Variants in PLCB1 observed in about 807,000 individuals in gnomAD.
PLCB1 encodes phospholipase C beta 1.
In PLCB1, 46 loss-of-function variants were observed where a neutral mutation model predicts 161.8. The observed-to-expected ratio is 0.28, with a 90% CI of 0.22 to 0.36. The LOEUF (loss-of-function observed/expected upper bound fraction) is 0.36, where lower values mean the gene tolerates loss of function less well. Ranked by LOEUF, PLCB1 falls within the 10% of genes least tolerant of loss-of-function variation. The pLI, the probability that PLCB1 is intolerant of heterozygous loss-of-function variation, is 1.00. For synonymous variants in PLCB1, 517 were observed against 503.7 expected, an observed-to-expected ratio of 1.03 and a Z score of -0.35; for missense variants, 1,016 against 1,472.5, an observed-to-expected ratio of 0.69 and a Z score of 5.07.
At chr20:8,676,646 T>C (rs1305050436) in intron 9 of PLCB1, among the ~76,000 whole-genome samples, 1 of 151,674 alleles carries the variant, frequency 6.6e-6, no homozygotes, top group Non-Finnish European at 1.5e-5. Context: ...TAGGGATTAC[T>C]CCGAAAGATA....
chr20:8,497,013 C>T (rs1175455431), intron 3 of PLCB1, among the ~76,000 whole-genome samples: 5 of 152,094 alleles, frequency 3.3e-5, no homozygotes, highest in East Asian at 3.8e-4. Context: ...ACTACTTTAA[C>T]GATATTAAAA....
At chr20:8,269,220 G>A (rs992565425) in intron 2 of PLCB1, among the ~76,000 whole-genome samples, 1 of 152,040 alleles carries the variant, frequency 6.6e-6, no homozygotes, top group African/African-American at 2.4e-5. Context: ...TTCTCCTAAT[G>A]CTATCCCTAC....
intron 3 of PLCB1, among the ~76,000 whole-genome samples, chr20:8,482,906 T>TA (rs1437489047): frequency 6.6e-6 from 1 of 151,812 alleles, no homozygotes; most frequent in Non-Finnish European, 1.5e-5. Flanking sequence ...TCATTTTTTT[T>TA]TTTTAACCTC....
chr20:8,411,110 G>C (rs1170620635), intron 3 of PLCB1, among the ~76,000 whole-genome samples: 1 of 152,208 alleles, frequency 6.6e-6, no homozygotes, highest in African/African-American at 2.4e-5. Flanking sequence ...CATTGAAAGA[G>C]ACAATTTATC....
At chr20:8,670,147 G>A (rs991954903) in intron 9 of PLCB1, among the ~76,000 whole-genome samples, 2 of 152,150 alleles carry the variant, frequency 1.3e-5, no homozygotes, top group Admixed American at 1.3e-4. Flanking sequence ...CTGTACTTAA[G>A]AGAGACAGGT....
intron 3 of PLCB1, among the ~76,000 whole-genome samples, chr20:8,430,432 G>A (rs1199543319): frequency 6.7e-6 from 1 of 149,854 alleles, no homozygotes; most frequent in African/African-American, 2.4e-5. Context: ...AGCAGGCTAA[G>A]CTGATGCATC....
intron 27 of PLCB1, among the ~76,000 whole-genome samples, chr20:8,785,874 A>G (rs751961021): frequency 1.3e-5 from 2 of 152,204 alleles, no homozygotes; most frequent in African/African-American, 4.8e-5. Flanking sequence ...AGATGAGGAC[A>G]TGGAAACAGG....
chr20:8,443,226 C>T (rs1036836341), intron 3 of PLCB1, among the ~76,000 whole-genome samples: 1 of 152,022 alleles, frequency 6.6e-6, no homozygotes, highest in Non-Finnish European at 1.5e-5. Flanking sequence ...GTGATCTGCC[C>T]GCCTTGGCCT....
chr20:8,249,682 CTCTGAAA>C (rs1008678016), intron 2 of PLCB1: 2 of 151,942 alleles, frequency 1.3e-5, no homozygotes, highest in Non-Finnish European at 2.9e-5. Flanking sequence ...GTCACGTCCA[CTCTGAAA>C]TCTGAGCTGT....
chr20:8,567,472 A>G (rs1986373520), intron 3 of PLCB1, among the ~76,000 whole-genome samples: 2 of 152,130 alleles, frequency 1.3e-5, no homozygotes, highest in Admixed American at 1.3e-4. Context: ...TAAGTTTAGT[A>G]TTCTCCAATA....
intron 3 of PLCB1, among the ~76,000 whole-genome samples, chr20:8,487,859 C>A (rs1168053385): frequency 6.6e-6 from 1 of 152,060 alleles, no homozygotes. Context: ...GCTGGTGCAC[C>A]CAGCCCTTGA....
chr20:8,254,640 G>A (rs915418305), intron 2 of PLCB1, among the ~76,000 whole-genome samples: 16 of 151,866 alleles, frequency 1.1e-4, no homozygotes, highest in Non-Finnish European at 1.8e-4. Flanking sequence ...TTGTAACTTC[G>A]TTTGACTATA....
At chr20:8,445,859 G>T (rs886337393) in intron 3 of PLCB1, among the ~76,000 whole-genome samples, 55 of 152,102 alleles carry the variant, frequency 3.6e-4, no homozygotes, top group Admixed American at 7.2e-4. Context: ...GTCTGTTATT[G>T]GTGTATAAGA....
At chr20:8,297,515 T>TA (rs988664896) in intron 2 of PLCB1, among the ~76,000 whole-genome samples, 4 of 152,050 alleles carry the variant, frequency 2.6e-5, no homozygotes, top group African/African-American at 7.2e-5. Context: ...TGTTTATTGA[T>TA]AAAAAATTCC....
At position 8,757,212 on chromosome 20, in the gene PLCB1, CA is replaced by C. The variant is rs778499693; in HGVS notation, c.2656+36del. 59 of 1,576,060 alleles carry C rather than the reference CA, an allele frequency of 3.7e-5. No individual in the cohort carries two copies. In the South Asian group the frequency reaches 6.1e-4, roughly 16 times the overall value. ...TCTGGAAAGAGCTGGACAACATGAGCAAGATCCTCCAGTTCATTAGTGCCAC... is the reference window on the plus strand; with the variant it reads ...TCTGGAAAGAGCTGGACAACATGAGCAGATCCTCCAGTTCATTAGTGCCAC... On this transcript the variant is annotated intron_variant, in intron 24 of 31. Transcript: ENST00000338037.
intron 9 of PLCB1, among the ~76,000 whole-genome samples, chr20:8,682,489 C>A (rs561629807): frequency 6.6e-6 from 1 of 152,290 alleles, no homozygotes; most frequent in South Asian, 2.1e-4. Flanking sequence ...ACAAACTTTC[C>A]TTCTTATTTT....
chr20:8,825,544 G>GT (rs1413578354), intron 31 of PLCB1, among the ~76,000 whole-genome samples: 1 of 152,152 alleles, frequency 6.6e-6, no homozygotes, highest in Non-Finnish European at 1.5e-5. Flanking sequence ...AAGAGTCATG[G>GT]TAGATAGACC....
At chr20:8,684,332 A>G (rs919346968) in intron 9 of PLCB1, among the ~76,000 whole-genome samples, 8 of 149,344 alleles carry the variant, frequency 5.4e-5, no homozygotes, top group Non-Finnish European at 1.0e-4. Flanking sequence ...TCTCGGCTCA[A>G]TGCAACCTCC....
At chr20:8,176,327 T>G (rs2123078808) in intron 2 of PLCB1, among the ~76,000 whole-genome samples, 1 of 152,318 alleles carries the variant, frequency 6.6e-6, no homozygotes, top group African/African-American at 2.4e-5. Context: ...AGCAATGAAC[T>G]ATTGGTGTAC....
Sources: allele counts gnomAD v4.1 joint callset (sites outside exome capture counted in the v4.1 genomes callset), GRCh38; gene constraint gnomAD v4.1.1; transcripts MANE v1.5; gene names NCBI Gene and HGNC (gene_info 2026-07-23, HGNC 2026-07-21).